CPT1C: variants seen among roughly 807,000 people sequenced by gnomAD.
CPT1C encodes carnitine palmitoyltransferase 1C, also known as palmitoyl thioesterase CPT1C.
Under a neutral mutation model 97.3 loss-of-function variants are expected in CPT1C, and 61 were observed. The observed-to-expected ratio is 0.63, with a 90% CI of 0.51 to 0.78. The LOEUF is 0.78. Among genes scored for constraint, CPT1C ranks in the 30% least tolerant of loss-of-function variants. The pLI, the probability that CPT1C is intolerant of heterozygous loss-of-function variation, is 0.00. For missense variants in CPT1C, 975 were observed against 1,065.5 expected, an observed-to-expected ratio of 0.92 and a Z score of 1.18; for synonymous variants, 469 against 447.2, an observed-to-expected ratio of 1.05 and a Z score of -0.61.
intron 7 of CPT1C, among the ~76,000 whole-genome samples, chr19:49,702,737 T>C (rs998468320): frequency 6.6e-6 from 1 of 151,258 alleles, no homozygotes; most frequent in South Asian, 2.1e-4. Flanking sequence ...CTGGGGGTAC[T>C]AGGGAGCCAT....
intron 14 of CPT1C, 103 bp downstream of exon 14, chr19:49,708,942 C>G: frequency 2.7e-6 from 2 of 746,582 alleles, no homozygotes; most frequent in East Asian, 5.3e-5. Context: ...CAACCCCATT[C>G]CTACCCCCAA....
chr19:49,701,764 T>C lies in CPT1C; in HGVS notation c.693+130T>C. On this transcript the variant is annotated intron_variant, in intron 7 of 19. Coordinates refer to ENST00000598293, the MANE Select transcript of CPT1C (RefSeq NM_001199753.2). ...CCCACACGCCCCCAGCCCCCAAGGG[T>C]CAATACCCTGAGCCCCGCTCACATA... The C allele has an allele frequency of 7.1e-6, 7 of 989,712 alleles. No individual in the cohort carries two copies. In the South Asian group the frequency reaches 1.2e-4, roughly 17 times the overall value. The allele number at this position is 989,712 out of a possible 1,614,324, so 61.3% of individuals were successfully genotyped here.
chr19:49,710,710 C>G lies in CPT1C; in HGVS notation c.1732-13C>G, dbSNP rs1568542224. Reference sequence around the variant, plus strand: ...CCAGCTGACAGACTCCTCTTCTCCTCCCTGTCCCCCAGGACAGGGGTCAAT... The same window carrying G: ...CCAGCTGACAGACTCCTCTTCTCCTGCCTGTCCCCCAGGACAGGGGTCAAT... On this transcript the variant is annotated splice_polypyrimidine_tract_variant and intron_variant, in intron 15 of 19. Transcript: ENST00000598293. 1 of 1,609,382 alleles carries G rather than the reference C, an allele frequency of 6.2e-7. No individual in the cohort carries two copies. Among genetic ancestry groups the G allele is most frequent in the Non-Finnish European group, 8.5e-7 (1 of 1,176,484 alleles).
chr19:49,712,041 G>A, intron 17 of CPT1C, 80 bp downstream of exon 17: 2 of 1,526,994 alleles, frequency 1.3e-6, no homozygotes, highest in Non-Finnish European at 1.8e-6. Flanking sequence ...GGAGGGTGAT[G>A]TTGAAAAAGG....
Position 49,700,737 on chromosome 19 carries a change from C to T in CPT1C, c.335C>T (p.Ser112Leu), listed in dbSNP as rs2082967937. 3 of 1,612,704 alleles carry T rather than the reference C, an allele frequency of 1.9e-6. No homozygotes were observed. Among genetic ancestry groups the T allele is most frequent in the Non-Finnish European group, 1.7e-6 (2 of 1,180,018 alleles). ...GTCCTGGCAGCCGCGCTGTTTGCCTCGTGTTTGTGGGGAGCCCTGATCTTC... is the reference window on the plus strand; with the variant it reads ...GTCCTGGCAGCCGCGCTGTTTGCCTTGTGTTTGTGGGGAGCCCTGATCTTC... Reference protein sequence around the residue: ...RGVLAAALFASCLWGALIFTL... With the variant: ...RGVLAAALFALCLWGALIFTL... The change falls in exon 5 of 20, where the codon TCG becomes TTG. Residue 112 changes from serine (S) to leucine (L), a missense_variant. Physicochemically the swap from Ser to Leu is moderately radical, Grantham distance 145. Around this residue, in one of 3 missense-constraint regions of CPT1C, gnomAD observed 596 missense variants for 603.1 expected, o/e 0.99. Coordinates refer to ENST00000598293, the MANE Select transcript of CPT1C (RefSeq NM_001199753.2).
At position 49,713,641 on chromosome 19, in the gene CPT1C, A is replaced by G. The variant is rs1298269170; in HGVS notation, c.*36A>G. 1 of 1,572,836 alleles carries G rather than the reference A, an allele frequency of 6.4e-7. No individual in the cohort carries two copies. Among genetic ancestry groups the G allele is most frequent in the African/African-American group, 1.4e-5 (1 of 73,844 alleles). ...CAGGCAGCTGGCCTCTCCAAGGAAT[A>G]AGGGTGAAATTGCCACAGCTGGCTG... On this transcript the variant is annotated 3_prime_UTR_variant, in exon 20 of 20. Coordinates refer to ENST00000598293, the MANE Select transcript of CPT1C (RefSeq NM_001199753.2).
At chr19:49,699,543 C>T (rs1464368673) in intron 4 of CPT1C, among the ~76,000 whole-genome samples, 5 of 150,496 alleles carry the variant, frequency 3.3e-5, no homozygotes, top group African/African-American at 9.8e-5. Flanking sequence ...GTGATTTGAC[C>T]CAAGTCCTCC....
chr19:49,699,457 TAAAAAAAAA>T (rs71180647), intron 4 of CPT1C, among the ~76,000 whole-genome samples: 34 of 35,292 alleles, frequency 9.6e-4, no homozygotes, highest in Admixed American at 1.5e-3. Context: ...CCCCTGTCTC[TAAAAAAAAA>T]AAAAAAAAAA....
chr19:49,704,034 G>A (rs1254656329), intron 7 of CPT1C, among the ~76,000 whole-genome samples: 2 of 152,090 alleles, frequency 1.3e-5, no homozygotes, highest in East Asian at 1.9e-4. Context: ...CAGCTAAACC[G>A]TGACACAGTG....
chr19:49,705,039 G>T lies in CPT1C; in HGVS notation c.804G>T (p.Gln268His), dbSNP rs2083423435. Residue 268 changes from glutamine to histidine, a missense_variant, in exon 9 of 20, where the codon CAG (glutamine) becomes CAT (histidine). Physicochemically the swap from Gln to His is conservative, Grantham distance 24. This residue lies in a region of CPT1C where 596 missense variants were observed against 603.1 expected (regional missense o/e 0.99). Transcript: ENST00000598293. ...DFLYVTPTPL[Q>H]AARAGNAVHA... Reference sequence around the variant, plus strand: ...TGTATGTCACACCCACGCCTCTGCAGGCAGCTCGCGCTGGGAATGCCGTCC... The same window carrying T: ...TGTATGTCACACCCACGCCTCTGCATGCAGCTCGCGCTGGGAATGCCGTCC... 2 of 1,608,494 alleles carry T rather than the reference G, an allele frequency of 1.2e-6. No individual in the cohort carries two copies. Among genetic ancestry groups the T allele is most frequent in the African/African-American group, 2.7e-5 (2 of 74,786 alleles).
At position 49,706,420 on chromosome 19, in the gene CPT1C, G is replaced by A; in HGVS notation, c.1343+7G>A. ...CCGGCCGGGGCCATGATCGGTGAGTGAGTCTTGGGATGGGGCCCCCAGATG... is the reference window on the plus strand; with the variant it reads ...CCGGCCGGGGCCATGATCGGTGAGTAAGTCTTGGGATGGGGCCCCCAGATG... On this transcript the variant is annotated splice_region_variant and intron_variant, in intron 12 of 19. Transcript: ENST00000598293. This position sits in a 1 kb window ranked among gnomAD's most constrained non-coding sequence, Gnocchi z 4.8. 1 of 1,466,222 alleles carries A rather than the reference G, an allele frequency of 6.8e-7. No homozygotes were observed. The highest frequency in any genetic ancestry group is 8.9e-7 in the Non-Finnish European group (1 of 1,117,638). 90.8% of individuals were successfully genotyped at this position (1,466,222 alleles called of 1,614,324 possible). A position where few individuals can be genotyped will look rare whatever the true frequency, so the allele number is the denominator to read the frequency against.
intron 16 of CPT1C, chr19:49,711,557 T>G: frequency 3.7e-6 from 2 of 534,140 alleles, no homozygotes; most frequent in Non-Finnish European, 6.7e-6. Flanking sequence ...CTACAAGGTA[T>G]TGTGGTTCCA....
chr19:49,710,906 C>T (rs1600148518), intron 16 of CPT1C, 49 bp downstream of exon 16: 1 of 1,564,630 alleles, frequency 6.4e-7, no homozygotes, highest in East Asian at 2.3e-5. Context: ...TGTACTCACT[C>T]ATCCACTTGC....
chr19:49,704,304 C>T (rs920934671), intron 7 of CPT1C, among the ~76,000 whole-genome samples: 5 of 152,046 alleles, frequency 3.3e-5, no homozygotes, highest in African/African-American at 9.7e-5. Context: ...ACCGAGTAGC[C>T]GGGATTACAG....
rs778134739 is a variant in CPT1C at position 49,713,001 on chromosome 19, T to C, written c.2163T>C (p.Tyr721=). Residue 721 remains tyrosine, a synonymous_variant, in exon 19 of 20, where the codon TAT becomes TAC. Coordinates refer to ENST00000598293, the MANE Select transcript of CPT1C (RefSeq NM_001199753.2). ...PADDHGYGVS[Y]IFMGDGMITF... ...ATGACCATGGTTATGGTGTTTCTTA[T>C]ATCTTCATGGGGGATGGCATGATCA... 2.5e-6 allele frequency: 4 copies of C among 1,614,082 alleles called. No homozygotes were observed. Among genetic ancestry groups the C allele is most frequent in the Middle Eastern group, 1.6e-4 (1 of 6,062 alleles).
chr19:49,711,881 G>A lies in CPT1C; in HGVS notation c.1939G>A (p.Gly647Arg), dbSNP rs770093149. Reference sequence around the variant, plus strand: ...GGCTCTGCTGAAGGCAGCCATGAGCGGGCAGGGAGTTGACCGCCACCTGTT... The same window carrying A: ...GGCTCTGCTGAAGGCAGCCATGAGCAGGCAGGGAGTTGACCGCCACCTGTT... ...HQALLKAAMS[G>R]QGVDRHLFAL... The change falls in exon 17 of 20, where the codon GGG becomes AGG. Residue 647 changes from glycine to arginine, a missense_variant. Transcript: ENST00000598293. The A allele has an allele frequency of 3.7e-6, 6 of 1,614,118 alleles. No individual in the cohort carries two copies. Among genetic ancestry groups the A allele is most frequent in the South Asian group, 3.3e-5 (3 of 91,082 alleles).
upstream of CPT1C, chr19:49,690,845 T>G: frequency 4.9e-6 from 1 of 203,062 alleles, no homozygotes; most frequent in East Asian, 1.2e-4. This position sits in a 1 kb window ranked among gnomAD's most constrained non-coding sequence, Gnocchi z 4.4. Flanking sequence ...GACGTTATAA[T>G]GCACCTGGGG....
chr19:49,695,940 G>T (rs1238034952), intron 3 of CPT1C, among the ~76,000 whole-genome samples: 1 of 151,914 alleles, frequency 6.6e-6, no homozygotes, highest in Non-Finnish European at 1.5e-5. Context: ...GCAATAGCAG[G>T]ATCTTGGCTC....
chr19:49,710,472 G>A lies in CPT1C; in HGVS notation c.1719G>A (p.Leu573=), dbSNP rs1369443589. 1.2e-6 allele frequency: 2 copies of A among 1,614,136 alleles called. No individual in the cohort carries two copies. Among genetic ancestry groups the A allele is most frequent in the Non-Finnish European group, 1.7e-6 (2 of 1,180,018 alleles). Residue 573 remains leucine, a synonymous_variant, in exon 15 of 20, where the codon CTG becomes CTA. Coordinates refer to ENST00000598293, the MANE Select transcript of CPT1C (RefSeq NM_001199753.2). ...GCTTCATCCAGATCGCCTTGCAACT[G>A]GCCCACTTCCGGGTCAGTTGGGTTC... ...SDSFIQIALQ[L]AHFRDRGQFC...
Sources: gnomAD v4.1 joint callset for allele counts (sites outside exome capture counted in the v4.1 genomes callset) on GRCh38, gnomAD v4.1.1 for gene constraint, gnomAD v4.1.1 regional missense constraint, Gnocchi (gnomAD v3.1) non-coding constraint, MANE v1.5 for transcripts, NCBI Gene and HGNC (gene_info 2026-07-23, HGNC 2026-07-21) for gene names.